PIK3C3: variants seen among roughly 807,000 people sequenced by gnomAD.
PIK3C3 encodes phosphatidylinositol 3-kinase catalytic subunit type 3, also known as PI3-kinase type 3.
Under a neutral mutation model 126.1 loss-of-function variants are expected in PIK3C3, and 95 were observed. The observed-to-expected ratio is 0.75, with a 90% CI of 0.64 to 0.89. PIK3C3 has a LOEUF of 0.89. PIK3C3 is among the 40% of genes least tolerant of loss of function. The pLI is 0.00. For missense variants in PIK3C3, 829 were observed against 1,063.2 expected (o/e 0.78, Z 3.06); for synonymous variants, 374 against 360.0 (o/e 1.04, Z -0.44).
chr18:42,022,614 C>G (rs985864949), intron 13 of PIK3C3, among the ~76,000 whole-genome samples: 1 of 152,036 alleles, frequency 6.6e-6, no homozygotes, highest in African/African-American at 2.4e-5. Context: ...GATTTTCCCC[C>G]CTTTGGAACC....
chr18:42,030,918 T>G (rs879147187), intron 15 of PIK3C3, among the ~76,000 whole-genome samples: 2 of 152,216 alleles, frequency 1.3e-5, no homozygotes, highest in African/African-American at 4.8e-5. Flanking sequence ...TTCTGGAGGC[T>G]GACCACCTAT....
intron 10 of PIK3C3, among the ~76,000 whole-genome samples, chr18:42,012,515 G>C (rs764473828): frequency 6.6e-6 from 1 of 152,040 alleles, no homozygotes; most frequent in Non-Finnish European, 1.5e-5. Flanking sequence ...AAGATAATAC[G>C]TACATTTAAA....
At chr18:41,978,636 T>G (rs1424077971) in intron 4 of PIK3C3, among the ~76,000 whole-genome samples, 3 of 152,212 alleles carry the variant, frequency 2.0e-5, no homozygotes, top group African/African-American at 7.2e-5. Context: ...ATTGAAGAAG[T>G]AAGCCTGTGT....
intron 22 of PIK3C3, among the ~76,000 whole-genome samples, 187 bp downstream of exon 22, chr18:42,058,238 CAT>C (rs1484445126): frequency 2.2e-4 from 34 of 152,244 alleles, no homozygotes; most frequent in African/African-American, 7.2e-4. Context: ...AGGAAAAAGA[CAT>C]AAACTTTCTT....
chr18:42,011,463 G>A (rs1046961029), intron 10 of PIK3C3, among the ~76,000 whole-genome samples: 2 of 152,038 alleles, frequency 1.3e-5, no homozygotes, highest in African/African-American at 2.4e-5. Flanking sequence ...CTTTTCTTTT[G>A]CAGTTTCCTC....
chr18:41,990,172 T>G (rs1981704373), intron 5 of PIK3C3, among the ~76,000 whole-genome samples: 1 of 152,178 alleles, frequency 6.6e-6, no homozygotes, highest in Non-Finnish European at 1.5e-5. Context: ...GCAAAATACC[T>G]TCAAGATTAT....
rs1407821261 is a variant in PIK3C3, at chr18:42,079,493, CAG to C, written c.2650-1626_2650-1625del. Among the ~76,000 whole-genome samples the C allele has an allele frequency of 2.0e-5, 3 of 151,866 alleles. No individual in the cohort carries two copies. The East Asian group carries it at 5.8e-4, about 29-fold the overall frequency. ...TTATGAGAATTACCAAACTATGACA[CAG>C]AGACACAAAGTGAACATAAGCTGTT... is the stretch of plus-strand genomic sequence containing the variant. On this transcript the variant is annotated intron_variant, in intron 24 of 24. Coordinates refer to ENST00000262039, the MANE Select transcript of PIK3C3 (RefSeq NM_002647.4).
intron 22 of PIK3C3, among the ~76,000 whole-genome samples, chr18:42,062,916 C>T (rs965971970): frequency 6.6e-6 from 1 of 152,092 alleles, no homozygotes; most frequent in Non-Finnish European, 1.5e-5. Context: ...ACCCTGACCT[C>T]CATTGAAACC....
intron 17 of PIK3C3, 39 bp downstream of exon 17, chr18:42,037,859 G>A (rs368811881): frequency 3.6e-5 from 56 of 1,569,550 alleles, no homozygotes; most frequent in African/African-American, 3.0e-4. Flanking sequence ...CATTTTTTTC[G>A]TTTTGGAATA....
intron 12 of PIK3C3, among the ~76,000 whole-genome samples, chr18:42,018,929 C>CAAA (rs1983197949): frequency 6.6e-6 from 1 of 152,086 alleles, no homozygotes; most frequent in Non-Finnish European, 1.5e-5. Flanking sequence ...CTCAGATGAG[C>CAAA]ACTCACTGCT....
intron 17 of PIK3C3, among the ~76,000 whole-genome samples, chr18:42,038,083 T>A (rs754691869): frequency 5.9e-5 from 9 of 152,170 alleles, no homozygotes; most frequent in Non-Finnish European, 1.2e-4. Flanking sequence ...GATTTAGTAG[T>A]TTCCTTCCTC....
At chr18:41,999,444 G>A (rs573625349) in intron 9 of PIK3C3, among the ~76,000 whole-genome samples, 1 of 152,240 alleles carries the variant, frequency 6.6e-6, no homozygotes, top group Non-Finnish European at 1.5e-5. Flanking sequence ...GATGCACTGA[G>A]TGTTCTTATA....
chr18:42,056,980 A>G (rs1985094130), intron 21 of PIK3C3, among the ~76,000 whole-genome samples: 4 of 151,744 alleles, frequency 2.6e-5, no homozygotes, highest in Admixed American at 2.6e-4. Flanking sequence ...CTTAGAGACC[A>G]TTAAAGCCCA....
chr18:42,021,079 G>A (rs569226771), intron 13 of PIK3C3, among the ~76,000 whole-genome samples: 30 of 152,222 alleles, frequency 2.0e-4, no homozygotes, highest in African/African-American at 6.7e-4. Flanking sequence ...GAAAAAGTTG[G>A]AATTAAAAGT....
intron 5 of PIK3C3, among the ~76,000 whole-genome samples, chr18:41,988,530 A>T (rs1220852688): frequency 6.6e-6 from 1 of 152,156 alleles, no homozygotes; most frequent in East Asian, 1.9e-4. Flanking sequence ...AACAATAATT[A>T]TATTAATCAA....
At chr18:42,080,858 G>C (rs1327427472) in intron 24 of PIK3C3, among the ~76,000 whole-genome samples, 2 of 152,064 alleles carry the variant, frequency 1.3e-5, no homozygotes, top group Non-Finnish European at 2.9e-5. Context: ...ATTTTTGCTT[G>C]TCTCGTGTTA....
In PIK3C3 at chr18:42,054,126, GTATATATA is replaced by G. The variant is rs60224978; in HGVS notation, c.2264-3698_2264-3691del. On this transcript the variant is annotated intron_variant, in intron 21 of 24. Coordinates refer to ENST00000262039, the MANE Select transcript of PIK3C3 (RefSeq NM_002647.4). Reference sequence around the variant, plus strand: ...GTTCTCTAGAGGGACAGAACTAATGGTATATATATATATATATATATATATATATATAT... The same window carrying G: ...GTTCTCTAGAGGGACAGAACTAATGGTATATATATATATATATATATATAT... Among the ~76,000 whole-genome samples the G allele has an allele frequency of 2.6e-3, 181 of 69,660 alleles. 21 individuals are homozygous for G. In the South Asian group the frequency reaches 0.06, roughly 23 times the overall value. 45.7% of individuals were successfully genotyped at this position (69,660 alleles called of 152,430 possible).
At chr18:41,960,564 A>C (rs936498566) in intron 2 of PIK3C3, among the ~76,000 whole-genome samples, 1 of 152,092 alleles carries the variant, frequency 6.6e-6, no homozygotes, top group African/African-American at 2.4e-5. Flanking sequence ...ATTGTTGCCA[A>C]GTGAATGTAA....
chr18:42,084,223 G>A lies in PIK3C3; in HGVS notation c.*3086G>A, dbSNP rs372079838. 6.6e-5 allele frequency: 10 copies of A among 152,022 alleles called. No homozygotes were observed. The highest frequency in any genetic ancestry group is 1.4e-4 in the African/African-American group (6 of 41,390). 9.4% of individuals were successfully genotyped at this position (152,022 alleles called of 1,614,324 possible). A position where few individuals can be genotyped will look rare whatever the true frequency, so the allele number is the denominator to read the frequency against. ...TTTTTGCACATAAGTATAACATTGC[G>A]ATTTAAAACAATAAACCAGATTGAG... On this transcript the variant is annotated 3_prime_UTR_variant, in exon 25 of 25. Coordinates refer to ENST00000262039, the MANE Select transcript of PIK3C3 (RefSeq NM_002647.4).
Sources: allele counts gnomAD v4.1 joint callset (sites outside exome capture counted in the v4.1 genomes callset), GRCh38; gene constraint gnomAD v4.1.1; transcripts MANE v1.5; gene names NCBI Gene and HGNC (gene_info 2026-07-23, HGNC 2026-07-21).